Variants in GALNT13 observed in about 807,000 individuals in gnomAD.
GALNT13 encodes polypeptide N-acetylgalactosaminyltransferase 13.
GALNT13 carries 28 observed loss-of-function variants against 64.2 expected under a neutral mutation model. That is an observed-to-expected ratio of 0.44 (90% CI 0.32 to 0.60). The LOEUF (loss-of-function observed/expected upper bound fraction) is 0.60. Among genes scored for constraint, GALNT13 ranks in the 20% least tolerant of loss-of-function variants. The probability of loss-of-function intolerance (pLI) is 0.05; values close to 1 mark genes in which losing one functional copy is unlikely to be tolerated. For synonymous variants in GALNT13, 214 were observed against 224.6 expected, an observed-to-expected ratio of 0.95 and a Z score of 0.42; for missense variants, 577 against 669.8, an observed-to-expected ratio of 0.86 and a Z score of 1.53.
chr2:153,251,868 C>T, the GALNT13 span, among the ~76,000 whole-genome samples: 1 of 151,810 alleles, frequency 6.6e-6, no homozygotes, highest in Non-Finnish European at 1.5e-5. Context: ...TCCAGTCTAT[C>T]ATTATTGGAC....
intron 1 of GALNT13, among the ~76,000 whole-genome samples, chr2:153,886,637 GTT>G (rs1265722172): frequency 3.3e-5 from 5 of 151,928 alleles, no homozygotes; most frequent in African/African-American, 9.7e-5. Flanking sequence ...GTGAATATCT[GTT>G]TTCTCTTGAT....
At chr2:153,966,450 C>T (rs1693354619) in intron 3 of GALNT13, among the ~76,000 whole-genome samples, 1 of 151,074 alleles carries the variant, frequency 6.6e-6, no homozygotes, top group Non-Finnish European at 1.5e-5. Context: ...ACTGCAAGCT[C>T]CGCCTGCCGG....
chr2:153,979,421 A>G (rs1694301540), intron 3 of GALNT13, among the ~76,000 whole-genome samples: 1 of 152,178 alleles, frequency 6.6e-6, no homozygotes. Flanking sequence ...ATATCCAGGA[A>G]TGAATTAAAA....
At chr2:153,175,354 G>C in the GALNT13 span, among the ~76,000 whole-genome samples, 3 of 152,134 alleles carry the variant, frequency 2.0e-5, no homozygotes, top group Non-Finnish European at 4.4e-5. Context: ...GAGAGAGACA[G>C]AATGGGGGCA....
chr2:154,376,717 C>T (rs1216894797), intron 9 of GALNT13, among the ~76,000 whole-genome samples: 4 of 152,026 alleles, frequency 2.6e-5, no homozygotes, highest in Non-Finnish European at 4.4e-5. Flanking sequence ...ACTGAAAAAT[C>T]ATGAGAATTT....
intron 3 of GALNT13, among the ~76,000 whole-genome samples, chr2:153,993,074 A>G (rs1695269472): frequency 6.6e-6 from 1 of 152,138 alleles, no homozygotes; most frequent in Non-Finnish European, 1.5e-5. Flanking sequence ...TTATGAAGGA[A>G]TATTAATAAA....
chr2:153,169,483 A>T, the GALNT13 span, among the ~76,000 whole-genome samples: 1 of 152,190 alleles, frequency 6.6e-6, no homozygotes, highest in Non-Finnish European at 1.5e-5. Context: ...TTTCTACAGG[A>T]ATTAGGAGTT....
chr2:153,178,215 T>C, the GALNT13 span, among the ~76,000 whole-genome samples: 2 of 152,200 alleles, frequency 1.3e-5, no homozygotes, highest in Non-Finnish European at 2.9e-5. Flanking sequence ...ATCTTTTGGG[T>C]AAGTAGCCAG....
chr2:153,382,930 T>A, the GALNT13 span, among the ~76,000 whole-genome samples: 2 of 152,096 alleles, frequency 1.3e-5, no homozygotes, highest in Non-Finnish European at 2.9e-5. Flanking sequence ...TGAATTTAGC[T>A]GAATTTTCTA....
At chr2:153,150,949 A>G in the GALNT13 span, among the ~76,000 whole-genome samples, 5 of 151,930 alleles carry the variant, frequency 3.3e-5, no homozygotes, top group African/African-American at 4.8e-5. Context: ...TTGACTTGGC[A>G]ATGCGGGCTC....
intron 4 of GALNT13, among the ~76,000 whole-genome samples, chr2:154,143,860 CAAAAAAAAAA>C (rs34582475): frequency 5.1e-5 from 3 of 58,904 alleles, no homozygotes; most frequent in South Asian, 8.2e-4. Flanking sequence ...GACTCTGTCT[CAAAAAAAAAA>C]AAAAAAAAAA....
At chr2:153,186,813 G>A in the GALNT13 span, among the ~76,000 whole-genome samples, 118 of 152,248 alleles carry the variant, frequency 7.8e-4, no homozygotes, top group African/African-American at 1.8e-3. Flanking sequence ...TGATCTGCCC[G>A]CCTCAGCCTC....
intron 2 of GALNT13, among the ~76,000 whole-genome samples, chr2:153,936,982 G>T (rs956608611): frequency 2.0e-5 from 3 of 152,128 alleles, no homozygotes; most frequent in East Asian, 1.9e-4. Flanking sequence ...CTCCCAAAGT[G>T]CTGGGATTAC....
intron 3 of GALNT13, among the ~76,000 whole-genome samples, chr2:154,032,769 C>T (rs1392904796): frequency 6.6e-6 from 1 of 150,906 alleles, no homozygotes; most frequent in Non-Finnish European, 1.5e-5. Flanking sequence ...TTAAATAAGA[C>T]ACTTATTATA....
chr2:153,534,518 C>CTTTTT, the GALNT13 span, among the ~76,000 whole-genome samples: 485 of 123,466 alleles, frequency 3.9e-3, 16 homozygotes, highest in African/African-American at 8.5e-3. Flanking sequence ...GCCCCTCTTT[C>CTTTTT]TTTCTTTCTT....
At chr2:154,252,379 G>A (rs1363989601) in intron 7 of GALNT13, among the ~76,000 whole-genome samples, 1 of 145,754 alleles carries the variant, frequency 6.9e-6, no homozygotes, top group African/African-American at 2.5e-5. Flanking sequence ...TTTTTGAGAT[G>A]GAGTCTCGCT....
chr2:154,364,961 T>A (rs1304551973), intron 9 of GALNT13, among the ~76,000 whole-genome samples: 1 of 152,180 alleles, frequency 6.6e-6, no homozygotes, highest in Non-Finnish European at 1.5e-5. Flanking sequence ...CGTAAGCCAC[T>A]TCACCAAAGA....
At chr2:154,233,500 T>C (rs1689037233) in intron 4 of GALNT13, among the ~76,000 whole-genome samples, 1 of 152,156 alleles carries the variant, frequency 6.6e-6, no homozygotes, top group Non-Finnish European at 1.5e-5. Flanking sequence ...TTCCTAGTAG[T>C]TCTTGATGCA....
chr2:153,956,615 A>C lies in GALNT13; in HGVS notation c.142+11976A>C, dbSNP rs1200166628. Among the ~76,000 whole-genome samples the C allele has an allele frequency of 3.9e-5, 6 of 152,268 alleles. No homozygotes were observed. In the East Asian group the frequency reaches 1.2e-3, roughly 29 times the overall value. On this transcript the variant is annotated intron_variant, in intron 3 of 12. Coordinates refer to ENST00000392825, the MANE Select transcript of GALNT13 (RefSeq NM_052917.4). ...TCTTTATATCATTCCTTGCAAAATA[A>C]TAATAAATCTTCTATTCATGATGTT...
Sources: gnomAD v4.1 joint callset for allele counts (sites outside exome capture counted in the v4.1 genomes callset) on GRCh38, gnomAD v4.1.1 for gene constraint, MANE v1.5 for transcripts, NCBI Gene and HGNC (gene_info 2026-07-23, HGNC 2026-07-21) for gene names.